PRIM2: variants seen among roughly 807,000 people sequenced by gnomAD.
PRIM2 encodes DNA primase large subunit.
A neutral mutation model predicts 67.3 loss-of-function variants in PRIM2; 39 were observed. The ratio of observed to expected loss-of-function variants is 0.58; its 90% CI spans 0.45 to 0.76. The LOEUF (loss-of-function observed/expected upper bound fraction) is 0.76, where lower values mean the gene tolerates loss of function less well. Ranked by LOEUF, PRIM2 falls within the 30% of genes least tolerant of loss-of-function variation. PRIM2 has a pLI of 0.00. For synonymous variants in PRIM2, 143 were observed against 198.7 expected, an observed-to-expected ratio of 0.72 and a Z score of 2.36; for missense variants, 398 against 598.7, an observed-to-expected ratio of 0.66 and a Z score of 3.50.
intron 3 of PRIM2, among the ~76,000 whole-genome samples, chr6:57,322,535 C>T (rs1767695559): frequency 6.6e-6 from 1 of 152,100 alleles, no homozygotes; most frequent in Non-Finnish European, 1.5e-5. Context: ...GGGCTTTTCC[C>T]TATTTTGCTC....
intron 5 of PRIM2, among the ~76,000 whole-genome samples, chr6:57,341,763 T>C (rs1174732298): frequency 6.6e-6 from 1 of 152,200 alleles, no homozygotes; most frequent in Non-Finnish European, 1.5e-5. Flanking sequence ...TTTCATGAGG[T>C]GGTGTCTGAT....
intron 10 of PRIM2, among the ~76,000 whole-genome samples, chr6:57,584,396 G>A (rs1776153770): frequency 6.6e-6 from 1 of 152,154 alleles, no homozygotes; most frequent in Non-Finnish European, 1.5e-5. Context: ...TCTGCTTAAT[G>A]AGTGGCCACA....
intron 7 of PRIM2, among the ~76,000 whole-genome samples, chr6:57,463,977 T>C (rs2127398608): frequency 6.6e-6 from 1 of 152,300 alleles, no homozygotes; most frequent in South Asian, 2.1e-4. Flanking sequence ...TAAGATCTTC[T>C]TTATCCTTGC....
chr6:57,360,266 A>G (rs1769154652), intron 5 of PRIM2, among the ~76,000 whole-genome samples: 1 of 152,228 alleles, frequency 6.6e-6, no homozygotes, highest in Non-Finnish European at 1.5e-5. Flanking sequence ...TGAATGAAAC[A>G]ATCATAAGTT....
intron 5 of PRIM2, among the ~76,000 whole-genome samples, chr6:57,366,358 A>G (rs1769357935): frequency 6.6e-6 from 1 of 152,172 alleles, no homozygotes; most frequent in Non-Finnish European, 1.5e-5. Flanking sequence ...AAAGAGTTTA[A>G]AGGCCTGGGA....
chr6:57,557,419 A>C (rs1378221723), intron 10 of PRIM2, among the ~76,000 whole-genome samples: 7 of 152,228 alleles, frequency 4.6e-5, no homozygotes, highest in Admixed American at 2.0e-4. Context: ...CACATATACC[A>C]TGGAATACTC....
intron 5 of PRIM2, among the ~76,000 whole-genome samples, chr6:57,338,882 G>A (rs1768369274): frequency 6.6e-6 from 1 of 151,380 alleles, no homozygotes; most frequent in African/African-American, 2.4e-5. Flanking sequence ...AGGAAATAAA[G>A]GGTATTCAAT....
At chr6:57,623,051 G>A (rs1232376135) in intron 12 of PRIM2, among the ~76,000 whole-genome samples, 1 of 152,154 alleles carries the variant, frequency 6.6e-6, no homozygotes, top group Non-Finnish European at 1.5e-5. Context: ...GAAAGTAACT[G>A]CTTTTAAGGG....
intron 10 of PRIM2, among the ~76,000 whole-genome samples, chr6:57,584,105 TC>T (rs1421111481): frequency 4.0e-4 from 61 of 152,282 alleles, no homozygotes; most frequent in Admixed American, 2.0e-3. Flanking sequence ...TGTACTCAAT[TC>T]CCCATTAGGA....
At chr6:57,336,225 G>A (rs1392050067) in intron 5 of PRIM2, among the ~76,000 whole-genome samples, 4 of 152,112 alleles carry the variant, frequency 2.6e-5, no homozygotes, top group South Asian at 2.1e-4. Context: ...GACCAAATCT[G>A]CGTCTGATTG....
chr6:57,425,656 T>A (rs1266041776), intron 7 of PRIM2, among the ~76,000 whole-genome samples: 27 of 152,298 alleles, frequency 1.8e-4, no homozygotes, highest in South Asian at 1.0e-3. Context: ...TTTTAGAGAC[T>A]GTAGTAATAA....
At chr6:57,278,089 G>A in the PRIM2 span, among the ~76,000 whole-genome samples, 2 of 152,088 alleles carry the variant, frequency 1.3e-5, no homozygotes, top group Non-Finnish European at 2.9e-5. Flanking sequence ...CAATTTGGGA[G>A]CCTGAGATGG....
At chr6:57,378,415 A>C (rs1479792785) in intron 5 of PRIM2, among the ~76,000 whole-genome samples, 2 of 151,824 alleles carry the variant, frequency 1.3e-5, no homozygotes, top group Non-Finnish European at 2.9e-5. Flanking sequence ...CTTCATACAG[A>C]TTGTGCTTGT....
chr6:57,436,145 T>C (rs1772006057), intron 7 of PRIM2, among the ~76,000 whole-genome samples: 1 of 152,208 alleles, frequency 6.6e-6, no homozygotes, highest in South Asian at 2.1e-4. Flanking sequence ...TTCCCTCCTC[T>C]TGTGTTTTAG....
chr6:57,498,715 T>C (rs1774062854), intron 7 of PRIM2, among the ~76,000 whole-genome samples: 1 of 152,206 alleles, frequency 6.6e-6, no homozygotes, highest in Non-Finnish European at 1.5e-5. Context: ...GTCATTTTTA[T>C]GTGTTTTAAT....
chr6:57,226,893 T>C, the PRIM2 span, among the ~76,000 whole-genome samples: 3 of 152,154 alleles, frequency 2.0e-5, no homozygotes, highest in African/African-American at 7.2e-5. Flanking sequence ...CTTGCTGAGA[T>C]TGGTCACTAA....
intron 5 of PRIM2, among the ~76,000 whole-genome samples, chr6:57,357,770 A>G (rs1263037813): frequency 6.6e-6 from 1 of 151,838 alleles, no homozygotes; most frequent in Non-Finnish European, 1.5e-5. Context: ...TAATGTTTGT[A>G]TTTTTAGTAG....
chr6:57,641,370 A>C (rs1777230317), intron 13 of PRIM2, among the ~76,000 whole-genome samples: 1 of 152,336 alleles, frequency 6.6e-6, no homozygotes, highest in African/African-American at 2.4e-5. Context: ...AACGGCAACA[A>C]AAGCCAAAAT....
Position 57,392,985 on chromosome 6 carries a change from G to T in PRIM2, c.693+10817G>T, listed in dbSNP as rs111785536. On this transcript the variant is annotated intron_variant, in intron 7 of 13. Transcript: ENST00000615550. The stretch of plus-strand genomic sequence containing the variant: ...CTGTTAATTATTCCTTTTTATGGTT[G>T]CATAGTATTCCTTATTATATATATA... 6.3e-5 allele frequency among the ~76,000 whole-genome samples: 9 copies of T among 143,594 alleles called. No individual in the cohort carries two copies. In the East Asian group the frequency reaches 1.4e-3, roughly 22 times the overall value. The allele number at this position is 143,594 out of a possible 152,430, so 94.2% of individuals were successfully genotyped here. A position where few individuals can be genotyped will look rare whatever the true frequency, so the allele number is the denominator to read the frequency against.
Sources: allele counts gnomAD v4.1 joint callset (sites outside exome capture counted in the v4.1 genomes callset), GRCh38; gene constraint gnomAD v4.1.1; transcripts MANE v1.5; gene names NCBI Gene and HGNC (gene_info 2026-07-23, HGNC 2026-07-21).